The following ANTXRL variants were observed in gnomAD, a reference collection of about 807,000 sequenced individuals.
ANTXRL encodes the protein ANTXR like.
Under a neutral mutation model 75.4 loss-of-function variants are expected in ANTXRL, and 63 were observed. That is an observed-to-expected ratio of 0.84 (90% CI 0.68 to 1.03). The LOEUF (loss-of-function observed/expected upper bound fraction) is 1.03. Ranked by LOEUF, ANTXRL falls within the 50% of genes least tolerant of loss-of-function variation. ANTXRL has a pLI of 0.00. For synonymous variants in ANTXRL, 335 were observed against 291.3 expected (o/e 1.15, Z -1.53); for missense variants, 797 against 789.4 (o/e 1.01, Z -0.12).
intron 16 of ANTXRL, among the ~76,000 whole-genome samples, chr10:46,317,262 A>G (rs1838778228): frequency 6.6e-6 from 1 of 152,190 alleles, no homozygotes; most frequent in African/African-American, 2.4e-5. Context: ...GTTTTCTTGT[A>G]CACTGTTTCA....
chr10:46,302,951 A>G (rs1233555218), intron 10 of ANTXRL, 131 bp downstream of exon 10: 1 of 723,484 alleles, frequency 1.4e-6, no homozygotes, highest in Non-Finnish European at 2.3e-6. Flanking sequence ...GGCCATGAGG[A>G]CAAGTGGAAG....
intron 9 of ANTXRL, among the ~76,000 whole-genome samples, chr10:46,301,017 G>GA (rs5784717): frequency 2.3e-4 from 34 of 145,472 alleles, no homozygotes; most frequent in South Asian, 8.7e-4. Flanking sequence ...CATCCACCTT[G>GA]AAAAAAAAAA....
chr10:46,300,231 G>A (rs1244100186), intron 9 of ANTXRL, among the ~76,000 whole-genome samples: 4 of 152,178 alleles, frequency 2.6e-5, no homozygotes, highest in Admixed American at 1.3e-4. Context: ...GTGCAAAGCT[G>A]CCCCACATGG....
intron 12 of ANTXRL, among the ~76,000 whole-genome samples, 158 bp downstream of exon 12, chr10:46,307,638 AG>A (rs1324390342): frequency 2.0e-5 from 3 of 152,190 alleles, no homozygotes. Context: ...TGGATGGTGC[AG>A]GTGGGTGAGG....
At position 46,306,822 on chromosome 10, in the gene ANTXRL, C is replaced by T. The variant is rs1411634326; in HGVS notation, c.915C>T (p.Ile305=). 5.1e-5 allele frequency: 78 copies of T among 1,527,456 alleles called. No homozygotes were observed. Among genetic ancestry groups the T allele is most frequent in the East Asian group, 1.5e-4 (6 of 40,460 alleles). 94.6% of individuals were successfully genotyped at this position (1,527,456 alleles called of 1,614,324 possible). ...STIIDEKPTS[I]DNNSMNCPGP... Reference sequence around the variant, plus strand: ...TTTTAGATGAAAAGCCAACCAGTATCGACAATAATTCCATGAATTGCCCTG... The same window carrying T: ...TTTTAGATGAAAAGCCAACCAGTATTGACAATAATTCCATGAATTGCCCTG... The change falls in exon 11 of 17, where the codon ATC becomes ATT. Residue 305 remains isoleucine (I), a synonymous_variant. Transcript: ENST00000620264.
At chr10:46,296,369 G>T (rs1290088959) in intron 5 of ANTXRL, 117 bp downstream of exon 5, 70 of 1,151,396 alleles carry the variant, frequency 6.1e-5, no homozygotes, top group Non-Finnish European at 8.6e-5. Flanking sequence ...CTTGGAGCAA[G>T]TTGCTCACCT....
intron 16 of ANTXRL, among the ~76,000 whole-genome samples, chr10:46,321,795 C>G (rs1191913450): frequency 6.6e-6 from 1 of 152,074 alleles, no homozygotes. Context: ...GTGACTATTT[C>G]GTAAGGTATC....
chr10:46,316,315 C>T (rs1177597066), intron 16 of ANTXRL, among the ~76,000 whole-genome samples: 4 of 151,966 alleles, frequency 2.6e-5, no homozygotes, highest in African/African-American at 9.7e-5. Flanking sequence ...TTAAGGTGGG[C>T]CAGACACTGT....
chr10:46,291,987 G>C (rs1554956604), intron 1 of ANTXRL, 71 bp from the exon 2 acceptor site: 1 of 1,417,686 alleles, frequency 7.1e-7, no homozygotes, highest in Non-Finnish European at 9.6e-7. Context: ...TGGGAGGCTG[G>C]GGGCGGGGCA....
In ANTXRL at chr10:46,312,031, G is replaced by A. The variant is rs1252300595; in HGVS notation, c.1329+366G>A. On this transcript the variant is annotated intron_variant, in intron 15 of 16. Coordinates refer to ENST00000620264, the MANE Select transcript of ANTXRL (RefSeq NM_001278688.3). ...GGCTTTAGACCACTTGCCTGCAGGC[G>A]CATGAGTCAAGCAACCTGAGTCACA... is the stretch of plus-strand genomic sequence containing the variant. Among the ~76,000 whole-genome samples the A allele has an allele frequency of 2.7e-5, 4 of 146,300 alleles. 1 individual carries two copies. The highest frequency in any genetic ancestry group is 2.0e-4 in the East Asian group (1 of 5,082).
chr10:46,306,970 T>G, intron 11 of ANTXRL, 98 bp downstream of exon 11: 1 of 1,033,728 alleles, frequency 9.7e-7, no homozygotes, highest in Non-Finnish European at 1.4e-6. Flanking sequence ...CACCCCCTGC[T>G]GGGACAGCAC....
intron 3 of ANTXRL, among the ~76,000 whole-genome samples, chr10:46,295,039 C>T (rs1837283400): frequency 6.6e-6 from 1 of 152,220 alleles, no homozygotes; most frequent in East Asian, 1.9e-4. Context: ...TCTGCTTTAA[C>T]AGCAACTGAC....
chr10:46,308,395 T>TG, intron 12 of ANTXRL: 1 of 355,166 alleles, frequency 2.8e-6, no homozygotes, highest in Non-Finnish European at 5.5e-6. Context: ...CACAGGCCCC[T>TG]GCCCCTTCCC....
At chr10:46,317,903 T>C (rs1838811093) in intron 16 of ANTXRL, among the ~76,000 whole-genome samples, 1 of 152,120 alleles carries the variant, frequency 6.6e-6, no homozygotes, top group East Asian at 1.9e-4. Context: ...CTGCAATCAG[T>C]AGAGAGGCAG....
intron 1 of ANTXRL, among the ~76,000 whole-genome samples, chr10:46,291,230 G>A (rs1270752167): frequency 6.6e-6 from 1 of 152,062 alleles, no homozygotes; most frequent in Non-Finnish European, 1.5e-5. Flanking sequence ...GTTGGAAATC[G>A]TTTGACCACA....
At position 46,297,306 on chromosome 10, in the gene ANTXRL, C is replaced by T; in HGVS notation, c.563C>T (p.Ala188Val). 2 of 1,536,476 alleles carry T rather than the reference C, an allele frequency of 1.3e-6. No homozygotes were observed. Among genetic ancestry groups the T allele is most frequent in the Non-Finnish European group, 1.7e-6 (2 of 1,146,852 alleles). The stretch of plus-strand genomic sequence containing the variant: ...ACTGATGGAGAACTGGTGGCACATG[C>T]ATTTCAGGACACTCTCAGAGAAGTG... ...AMTDGELVAHAFQDTLREAQK... is the reference protein window; with the variant it reads ...AMTDGELVAHVFQDTLREAQK... The change falls in exon 6 of 17, where the codon GCA (alanine) becomes GTA (valine). Residue 188 changes from alanine (A) to valine (V), a missense_variant. Around this residue, in one of 3 missense-constraint regions of ANTXRL, gnomAD observed 262 missense variants for 271.9 expected, o/e 0.96. Coordinates refer to ENST00000620264, the MANE Select transcript of ANTXRL (RefSeq NM_001278688.3).
intron 1 of ANTXRL, among the ~76,000 whole-genome samples, chr10:46,289,149 G>A (rs1340258214): frequency 1.7e-4 from 26 of 152,110 alleles, no homozygotes; most frequent in African/African-American, 9.7e-5. Context: ...GGTCATTAGC[G>A]TCCAGCTTAT....
chr10:46,314,465 C>A (rs374672579), intron 16 of ANTXRL, among the ~76,000 whole-genome samples: 277 of 152,138 alleles, frequency 1.8e-3, no homozygotes, highest in Non-Finnish European at 2.8e-3. Flanking sequence ...TAGAGCTTGA[C>A]GGCCGAGTGT....
At position 46,306,974 on chromosome 10, in the gene ANTXRL, A is replaced by AC. The variant is rs1255260795; in HGVS notation, c.965+103dup. On this transcript the variant is annotated intron_variant, in intron 11 of 16. Transcript: ENST00000620264. ...TGGATGCCCCCCACCCCCTGCTGGG[A>AC]CAGCACATATCTGTGGCTGCGCAAA... 6.0e-6 allele frequency: 6 copies of AC among 1,000,614 alleles called. No individual in the cohort carries two copies. The Admixed American group carries it at 8.5e-5, about 14-fold the overall frequency. The allele number at this position is 1,000,614 out of a possible 1,614,324, so 62.0% of individuals were successfully genotyped here. A position where few individuals can be genotyped will look rare whatever the true frequency, so the allele number is the denominator to read the frequency against.
Sources: allele counts gnomAD v4.1 joint callset (sites outside exome capture counted in the v4.1 genomes callset), GRCh38; gene constraint gnomAD v4.1.1; regional missense constraint gnomAD v4.1.1; transcripts MANE v1.5; gene names NCBI Gene and HGNC (gene_info 2026-07-23, HGNC 2026-07-21).